Variants in AIMP2 observed in about 807,000 individuals in gnomAD.
AIMP2 encodes aminoacyl tRNA synthase complex-interacting multifunctional protein 2.
AIMP2 carries 20 observed loss-of-function variants against 23.4 expected under a neutral mutation model. The observed-to-expected ratio is 0.85, with a 90% CI of 0.60 to 1.24. The LOEUF (loss-of-function observed/expected upper bound fraction) is 1.24, where lower values mean the gene tolerates loss of function less well. AIMP2 is among the 50% of genes most tolerant of loss of function. The pLI is 0.00. For synonymous variants in AIMP2, 210 were observed against 170.4 expected (o/e 1.23, Z -1.81); for missense variants, 515 against 414.5 (o/e 1.24, Z -2.10).
intron 3 of AIMP2, among the ~76,000 whole-genome samples, chr7:6,020,704 TGGA>T (rs1293700842): frequency 6.6e-6 from 1 of 152,100 alleles, no homozygotes; most frequent in South Asian, 2.1e-4. Flanking sequence ...AAGAAAATCA[TGGA>T]GGAGATGGGA....
At chr7:6,014,892 G>C in intron 1 of AIMP2, 1 of 537,624 alleles carries the variant, frequency 1.9e-6, no homozygotes, top group East Asian at 6.2e-5. Flanking sequence ...GCTAATTTTT[G>C]TATTTCTAGT....
chr7:6,009,995 A>T (rs1369765173), intron 1 of AIMP2, among the ~76,000 whole-genome samples: 44 of 120,216 alleles, frequency 3.7e-4, no homozygotes, highest in African/African-American at 1.3e-3. Flanking sequence ...ATATATATGT[A>T]TGTATCTTTC....
At chr7:6,020,699 A>T (rs1204357209) in intron 3 of AIMP2, among the ~76,000 whole-genome samples, 3 of 152,224 alleles carry the variant, frequency 2.0e-5, no homozygotes, top group African/African-American at 7.2e-5. Context: ...CCATAAAGAA[A>T]ATCATGGAGG....
chr7:6,009,605 C>T (rs1786399824), intron 1 of AIMP2, 107 bp downstream of exon 1: 2 of 1,010,916 alleles, frequency 2.0e-6, no homozygotes, highest in Non-Finnish European at 2.6e-6. Context: ...ACGGCCCCAC[C>T]CCGGCATCTG....
rs1221870991 is a variant in AIMP2, at chr7:6,009,967, A to AT, written c.135+469_135+470insT. On this transcript the variant is annotated intron_variant, in intron 1 of 3. Transcript: ENST00000223029. ...TCTATCTCAAAAAAAAAAAAAAAAA[A>AT]AAAAAAAATATATATATATATATAT... Among the ~76,000 whole-genome samples, 764 of 89,404 alleles carry AT rather than the reference A, an allele frequency of 8.5e-3. 13 individuals are homozygous for AT. Among genetic ancestry groups the AT allele is most frequent in the African/African-American group, 0.024 (543 of 22,744 alleles). 58.7% of individuals were successfully genotyped at this position (89,404 alleles called of 152,430 possible).
At chr7:6,021,929 C>G (rs1166171312) in intron 3 of AIMP2, among the ~76,000 whole-genome samples, 1 of 152,128 alleles carries the variant, frequency 6.6e-6, no homozygotes, top group South Asian at 2.1e-4. Flanking sequence ...ACCGTGCTTG[C>G]CTCTCGTCCT....
In AIMP2 at chr7:6,023,671, G is replaced by GC. The variant is rs1400170893; in HGVS notation, c.946dup (p.Leu316ProfsTer5). 1 of 1,614,072 alleles carries GC rather than the reference G, an allele frequency of 6.2e-7. No homozygotes were observed. Among genetic ancestry groups the GC allele is most frequent in the Non-Finnish European group, 8.5e-7 (1 of 1,180,014 alleles). On this transcript the variant is annotated frameshift_variant, in exon 4 of 4. Coordinates refer to ENST00000223029, the MANE Select transcript of AIMP2 (RefSeq NM_006303.4). LOFTEE classifies it high-confidence loss of function. ...TGAAAACCTGGCTCCTTTTAACACG[G>GC]CCCTCAAGCTCCTTAAGTGAATTGC...
chr7:6,009,974 A>AAAAAAAATATATATATATATAT, intron 1 of AIMP2, among the ~76,000 whole-genome samples: 1 of 26,668 alleles, frequency 3.7e-5, no homozygotes, highest in African/African-American at 1.4e-4. Flanking sequence ...AAAAAAAAAA[A>AAAAAAAATATATATATATATAT]ATATATATAT....
At chr7:6,018,836 AAAAG>A (rs1787199448) in intron 3 of AIMP2, among the ~76,000 whole-genome samples, 2 of 152,174 alleles carry the variant, frequency 1.3e-5, no homozygotes, top group African/African-American at 4.8e-5. Flanking sequence ...TCCATCTCAA[AAAAG>A]AAAGAAAAAA....
At position 6,015,041 on chromosome 7, in the gene AIMP2, G is replaced by T; in HGVS notation, c.136-105G>T. The T allele has an allele frequency of 3.2e-6, 5 of 1,577,980 alleles. No individual in the cohort carries two copies. In the South Asian group the frequency reaches 5.9e-5, roughly 18 times the overall value. On this transcript the variant is annotated intron_variant, in intron 1 of 3. Transcript: ENST00000223029. ...AGCCCATAATGTCTTCTTTTAAAGG[G>T]TGGGAGGTTTGGTGAGTGCATGGCA...
chr7:6,012,733 TGTTTCAGTAGAAATGGA>T (rs1438184407), intron 1 of AIMP2: 1 of 697,314 alleles, frequency 1.4e-6, no homozygotes, highest in Admixed American at 3.3e-5. Flanking sequence ...CTAATTTTTG[TGTTTCAGTAGAAATGGA>T]GTTTCATCAT....
Position 6,009,424 on chromosome 7 carries a change from C to A in AIMP2, c.61C>A (p.Pro21Thr). 1 of 1,611,486 alleles carries A rather than the reference C, an allele frequency of 6.2e-7. No homozygotes were observed. Among genetic ancestry groups the A allele is most frequent in the Non-Finnish European group, 8.5e-7 (1 of 1,179,972 alleles). The change falls in exon 1 of 4, where the codon CCC becomes ACC. Residue 21 changes from proline (P) to threonine (T), a missense_variant. Physicochemically the swap from Pro to Thr is conservative, Grantham distance 38. Transcript: ENST00000223029. The stretch of plus-strand genomic sequence containing the variant: ...CGGCGCGCCTCTCCGTGTGGAGCTT[C>A]CCACCTGCATGTACCGGCTCCCCAA... ...GGGAPLRVEL[P>T]TCMYRLPNVH...
At chr7:6,013,354 C>G (rs182479018) in intron 1 of AIMP2, among the ~76,000 whole-genome samples, 104 of 148,982 alleles carry the variant, frequency 7.0e-4, no homozygotes, top group Non-Finnish European at 1.3e-3. Context: ...CTCCGCCTCC[C>G]GGGTTCAAGC....
chr7:6,015,046 A>T, intron 1 of AIMP2, 100 bp from the exon 2 acceptor site: 2 of 1,568,514 alleles, frequency 1.3e-6, no homozygotes, highest in Non-Finnish European at 1.7e-6. Flanking sequence ...AAAGGGTGGG[A>T]GGTTTGGTGA....
chr7:6,021,863 AGAG>A (rs1787444920), intron 3 of AIMP2, among the ~76,000 whole-genome samples: 2 of 152,176 alleles, frequency 1.3e-5, no homozygotes, highest in South Asian at 4.1e-4. Context: ...AACTATTTTT[AGAG>A]AAATCAAAAG....
chr7:6,019,142 A>G (rs762266731), intron 3 of AIMP2, among the ~76,000 whole-genome samples: 13 of 151,648 alleles, frequency 8.6e-5, no homozygotes, highest in African/African-American at 1.2e-4. Flanking sequence ...GTCTGCTTCA[A>G]TCTGCTTCAG....
Position 6,014,321 on chromosome 7 carries a change from G to A in AIMP2, c.136-825G>A, listed in dbSNP as rs544238450. Among the ~76,000 whole-genome samples the A allele has an allele frequency of 2.5e-3, 353 of 140,228 alleles. 2 individuals are homozygous for A. Among genetic ancestry groups the A allele is most frequent in the Non-Finnish European group, 1.7e-3 (113 of 65,800 alleles). 92.0% of individuals were successfully genotyped at this position (140,228 alleles called of 152,430 possible). A position where few individuals can be genotyped will look rare whatever the true frequency, so the allele number is the denominator to read the frequency against. ...CGCCCAGGCTGGAGTTCAGTGGTGC[G>A]ATCTTGGCTCACTGCAACCCCCGCC... On this transcript the variant is annotated intron_variant, in intron 1 of 3. Coordinates refer to ENST00000223029, the MANE Select transcript of AIMP2 (RefSeq NM_006303.4).
chr7:6,011,944 G>A (rs1230996466), intron 1 of AIMP2, among the ~76,000 whole-genome samples: 1 of 152,150 alleles, frequency 6.6e-6, no homozygotes, highest in Non-Finnish European at 1.5e-5. Flanking sequence ...TAACAATGCG[G>A]ACAAATAATT....
rs1427778068 is a variant in AIMP2, at chr7:6,010,459, TG to T, written c.135+962del. Reference sequence around the variant, plus strand: ...TAGTCTGGTTTTTTGTTTTTTTTTTTGTTTTTTTCAGATGGAGTCTCACTCT... The same window carrying T: ...TAGTCTGGTTTTTTGTTTTTTTTTTTTTTTTTTCAGATGGAGTCTCACTCT... On this transcript the variant is annotated intron_variant, in intron 1 of 3. Transcript: ENST00000223029. Among the ~76,000 whole-genome samples, 378 of 150,350 alleles carry T rather than the reference TG, an allele frequency of 2.5e-3. 3 individuals carry two copies. Among genetic ancestry groups the T allele is most frequent in the Non-Finnish European group, 4.3e-4 (29 of 67,510 alleles).
Sources: gnomAD v4.1 joint callset for allele counts (sites outside exome capture counted in the v4.1 genomes callset) on GRCh38, gnomAD v4.1.1 for gene constraint, MANE v1.5 for transcripts, NCBI Gene and HGNC (gene_info 2026-07-23, HGNC 2026-07-21) for gene names.